The following EDAR variants were observed in gnomAD, a reference collection of about 807,000 sequenced individuals.
EDAR encodes tumor necrosis factor receptor superfamily member EDAR.
In EDAR, 38 loss-of-function variants were observed where a neutral mutation model predicts 51.3. The ratio of observed to expected loss-of-function variants is 0.74; its 90% CI spans 0.57 to 0.97. The LOEUF is 0.97. Ranked by LOEUF, EDAR falls within the 50% of genes least tolerant of loss-of-function variation. The pLI is 0.00. For synonymous variants in EDAR, 227 were observed against 242.1 expected (o/e 0.94, Z 0.58); for missense variants, 528 against 595.0 (o/e 0.89, Z 1.17).
intron 11 of EDAR, among the ~76,000 whole-genome samples, chr2:108,905,955 C>T (rs1696794194): frequency 6.6e-6 from 1 of 152,130 alleles, no homozygotes; most frequent in Non-Finnish European, 1.5e-5. Flanking sequence ...GATCACGTTT[C>T]CCAGATGATG....
intron 1 of EDAR, among the ~76,000 whole-genome samples, chr2:108,935,140 C>T (rs926551618): frequency 1.1e-4 from 16 of 152,210 alleles, no homozygotes; most frequent in Admixed American, 1.0e-3. Context: ...GTCTGCCACT[C>T]CTGCCTGAAT....
intron 1 of EDAR, among the ~76,000 whole-genome samples, chr2:108,953,227 T>A (rs868737091): frequency 6.6e-6 from 1 of 152,222 alleles, no homozygotes; most frequent in East Asian, 1.9e-4. Context: ...TCAGAATTGC[T>A]TATCCCTGTG....
intron 5 of EDAR, among the ~76,000 whole-genome samples, chr2:108,918,965 T>C (rs1056004155): frequency 2.0e-5 from 3 of 152,272 alleles, no homozygotes; most frequent in African/African-American, 7.2e-5. Flanking sequence ...TCGCAGAGAC[T>C]CTCTAGCTGC....
chr2:108,925,702 C>T (rs1258992525), intron 4 of EDAR, among the ~76,000 whole-genome samples: 2 of 152,164 alleles, frequency 1.3e-5, no homozygotes, highest in African/African-American at 4.8e-5. Context: ...ACCGCAACTT[C>T]CGCCTCCCAG....
At chr2:108,960,037 T>C (rs570281464) in intron 1 of EDAR, among the ~76,000 whole-genome samples, 2 of 152,232 alleles carry the variant, frequency 1.3e-5, no homozygotes, top group South Asian at 4.1e-4. Flanking sequence ...CCACGGTGGC[T>C]CTGAGAAAGC....
chr2:108,940,902 A>G (rs555293638), intron 1 of EDAR, among the ~76,000 whole-genome samples: 2 of 152,214 alleles, frequency 1.3e-5, no homozygotes, highest in Non-Finnish European at 2.9e-5. Context: ...TTAACTTGCA[A>G]TAAGCTTCAC....
chr2:108,965,269 A>C (rs905904771), intron 1 of EDAR, among the ~76,000 whole-genome samples: 10 of 152,068 alleles, frequency 6.6e-5, no homozygotes, highest in African/African-American at 1.9e-4. Context: ...TGAGGTCAGG[A>C]GATCGAGACC....
intron 5 of EDAR, among the ~76,000 whole-genome samples, chr2:108,920,592 C>T (rs1278648700): frequency 3.9e-5 from 6 of 152,120 alleles, no homozygotes; most frequent in Non-Finnish European, 7.4e-5. Context: ...GAGCTGGGGG[C>T]GAGTATGTTC....
chr2:108,942,557 G>C (rs1433150583), intron 1 of EDAR, among the ~76,000 whole-genome samples: 1 of 152,250 alleles, frequency 6.6e-6, no homozygotes, highest in Admixed American at 6.5e-5. Flanking sequence ...TCTCCCTCCC[G>C]TTCTAGAAGA....
intron 2 of EDAR, 48 bp downstream of exon 2, chr2:108,930,916 A>T (rs1413900558): frequency 6.3e-7 from 1 of 1,590,668 alleles, no homozygotes; most frequent in African/African-American, 1.3e-5. Flanking sequence ...CAGTCCAACC[A>T]TCATGAGGAT....
chr2:108,968,455 C>A (rs773036765), intron 1 of EDAR, among the ~76,000 whole-genome samples: 6 of 152,104 alleles, frequency 3.9e-5, no homozygotes, highest in Non-Finnish European at 7.4e-5. Context: ...GGAGGTTTGT[C>A]CCCAGCAGTT....
chr2:108,906,233 C>T (rs1393140619), intron 11 of EDAR, 75 bp downstream of exon 11: 2 of 1,521,940 alleles, frequency 1.3e-6, no homozygotes, highest in Non-Finnish European at 1.8e-6. Context: ...CTCACAGGAG[C>T]CTCAGGGCTC....
At chr2:108,926,662 G>C (rs1697262003) in intron 4 of EDAR, among the ~76,000 whole-genome samples, 1 of 152,158 alleles carries the variant, frequency 6.6e-6, no homozygotes, top group African/African-American at 2.4e-5. Context: ...TGGTTCCCAG[G>C]TCCTCCCACA....
Position 108,931,003 on chromosome 2 carries a change from C to G in EDAR, c.12G>C (p.Val4=). 6.2e-7 allele frequency: 1 copy of G among 1,614,032 alleles called. No individual in the cohort carries two copies. Among genetic ancestry groups the G allele is most frequent in the Non-Finnish European group, 8.5e-7 (1 of 1,180,042 alleles). The stretch of plus-strand genomic sequence containing the variant: ...GCCAGGGCGTCTGCGTGCAGTCCCC[C>G]ACATGGGCCATCCTCTCCCAAGGGC... MAH[V]GDCTQTPWLP... The change falls in exon 2 of 12, where the codon GTG becomes GTC. Residue 4 remains valine, a synonymous_variant. Transcript: ENST00000258443.
At chr2:108,907,654 A>AAACTC in intron 10 of EDAR, among the ~76,000 whole-genome samples, 1 of 152,086 alleles carries the variant, frequency 6.6e-6, no homozygotes, top group Non-Finnish European at 1.5e-5. Context: ...ATCTCCAAAA[A>AAACTC]AAAAAAACAA....
At chr2:108,953,705 G>A (rs1288233193) in intron 1 of EDAR, among the ~76,000 whole-genome samples, 2 of 152,098 alleles carry the variant, frequency 1.3e-5, no homozygotes, top group Non-Finnish European at 2.9e-5. Flanking sequence ...AGGTAGCTAT[G>A]TGAACAAGGA....
At chr2:108,963,096 C>T (rs1698084606) in intron 1 of EDAR, among the ~76,000 whole-genome samples, 1 of 152,184 alleles carries the variant, frequency 6.6e-6, no homozygotes, top group African/African-American at 2.4e-5. Flanking sequence ...CCAGTCCAGC[C>T]CTGCAGAGGC....
rs148401237 is a variant in EDAR at position 108,971,918 on chromosome 2, C to T, written c.-19+17042G>A. ...AAAGGCACTGAGCTTCCTGCTGTGC[C>T]GTGGCTGCTGCTCAGTCACATAGGG... is the stretch of plus-strand genomic sequence containing the variant. On this transcript the variant is annotated intron_variant, in intron 1 of 11. Transcript: ENST00000258443. Among the ~76,000 whole-genome samples the T allele has an allele frequency of 7.2e-5, 11 of 152,322 alleles. No individual in the cohort carries two copies. The East Asian group carries it at 2.1e-3, about 29-fold the overall frequency.
intron 1 of EDAR, among the ~76,000 whole-genome samples, chr2:108,969,447 G>T (rs914871550): frequency 1.9e-4 from 29 of 152,282 alleles, no homozygotes; most frequent in Admixed American, 1.7e-3. Flanking sequence ...AAATGTTTAT[G>T]GGGCCAGACA....
Sources: gnomAD v4.1 joint callset for allele counts (sites outside exome capture counted in the v4.1 genomes callset) on GRCh38, gnomAD v4.1.1 for gene constraint, MANE v1.5 for transcripts, NCBI Gene and HGNC (gene_info 2026-07-23, HGNC 2026-07-21) for gene names.